The following DOK6 variants were observed in gnomAD, a reference collection of about 807,000 sequenced individuals.
The protein encoded by DOK6 is downstream of tyrosine kinase 6.
Under a neutral mutation model 44.0 loss-of-function variants are expected in DOK6, and 22 were observed. The observed-to-expected ratio is 0.50, with a 90% confidence interval of 0.36 to 0.71. DOK6 has a LOEUF of 0.71. DOK6 is among the 30% of genes least tolerant of loss of function. The pLI is 0.00. For missense variants in DOK6, 340 were observed against 416.4 expected, an observed-to-expected ratio of 0.82 and a Z score of 1.60; for synonymous variants, 166 against 145.5, an observed-to-expected ratio of 1.14 and a Z score of -1.01.
At chr18:69,720,657 C>T (rs753083773) in intron 5 of DOK6, among the ~76,000 whole-genome samples, 3 of 151,992 alleles carry the variant, frequency 2.0e-5, no homozygotes, top group Non-Finnish European at 2.9e-5. Flanking sequence ...CACAAAAGTT[C>T]GGTTATTTTA....
intron 2 of DOK6, among the ~76,000 whole-genome samples, chr18:69,591,903 T>C (rs1983630822): frequency 6.6e-6 from 1 of 152,120 alleles, no homozygotes; most frequent in African/African-American, 2.4e-5. Context: ...CTTATTTTCT[T>C]CATATGTTCT....
At chr18:69,501,962 G>A (rs1282984444) in intron 1 of DOK6, among the ~76,000 whole-genome samples, 1 of 152,094 alleles carries the variant, frequency 6.6e-6, no homozygotes, top group African/African-American at 2.4e-5. Context: ...CCAGAACAAT[G>A]ATCTGTAACA....
intron 7 of DOK6, among the ~76,000 whole-genome samples, chr18:69,766,973 T>C (rs1979736096): frequency 6.6e-6 from 1 of 152,186 alleles, no homozygotes; most frequent in African/African-American, 2.4e-5. Flanking sequence ...ACTCCTGTAA[T>C]TCCCACACTT....
intron 5 of DOK6, among the ~76,000 whole-genome samples, chr18:69,725,707 C>T (rs1304318366): frequency 2.6e-5 from 4 of 152,156 alleles, no homozygotes; most frequent in Non-Finnish European, 2.9e-5. Context: ...AAGCTGGTCT[C>T]GAACTCCTGA....
At chr18:69,520,929 T>C (rs925201731) in intron 1 of DOK6, among the ~76,000 whole-genome samples, 10 of 151,996 alleles carry the variant, frequency 6.6e-5, no homozygotes, top group Non-Finnish European at 1.5e-4. Context: ...AGAGGCCTCT[T>C]AATTCAACTG....
chr18:69,462,493 T>C (rs1979815004), intron 1 of DOK6, among the ~76,000 whole-genome samples: 1 of 152,196 alleles, frequency 6.6e-6, no homozygotes. Context: ...TTTGATTACA[T>C]TATTGCTTCT....
intron 5 of DOK6, among the ~76,000 whole-genome samples, chr18:69,704,183 C>A (rs1986581863): frequency 6.6e-6 from 1 of 152,208 alleles, no homozygotes; most frequent in Non-Finnish European, 1.5e-5. Context: ...AGTGGTAATG[C>A]ATGTTATTTC....
chr18:69,811,602 A>C (rs1981240523), intron 7 of DOK6, among the ~76,000 whole-genome samples: 2 of 141,410 alleles, frequency 1.4e-5, no homozygotes, highest in Admixed American at 7.1e-5. Context: ...GTACACAATC[A>C]ATATATACAA....
At chr18:69,610,344 A>G (rs73970196) in intron 3 of DOK6, among the ~76,000 whole-genome samples, 4,082 of 152,200 alleles carry the variant, frequency 0.027, 172 homozygotes, top group African/African-American at 0.093. Flanking sequence ...GATTCTATGA[A>G]CCTCCTTGGG....
At chr18:69,517,425 T>C (rs1258030050) in intron 1 of DOK6, among the ~76,000 whole-genome samples, 1 of 152,202 alleles carries the variant, frequency 6.6e-6, no homozygotes, top group Non-Finnish European at 1.5e-5. Flanking sequence ...AGGAAAATTA[T>C]TGACATTGGT....
At chr18:69,412,280 T>C (rs1945850406) in intron 1 of DOK6, among the ~76,000 whole-genome samples, 1 of 152,150 alleles carries the variant, frequency 6.6e-6, no homozygotes, top group Non-Finnish European at 1.5e-5. Context: ...GGCTATGGCT[T>C]TTCCTTCATT....
At chr18:69,787,126 G>A (rs1039278436) in intron 7 of DOK6, among the ~76,000 whole-genome samples, 2 of 152,296 alleles carry the variant, frequency 1.3e-5, no homozygotes, top group East Asian at 3.9e-4. Flanking sequence ...TGAGGCAGGA[G>A]AATCGCTTGA....
At chr18:69,825,049 T>C (rs1447973235) in intron 7 of DOK6, among the ~76,000 whole-genome samples, 2 of 152,194 alleles carry the variant, frequency 1.3e-5, no homozygotes, top group Non-Finnish European at 2.9e-5. Flanking sequence ...TTTTCATCTA[T>C]AATGTAGAGA....
intron 2 of DOK6, among the ~76,000 whole-genome samples, chr18:69,581,483 A>G (rs35198267): frequency 0.27 from 40,544 of 152,080 alleles, 5,779 homozygotes; most frequent in Middle Eastern, 0.4. Flanking sequence ...TACTATTACA[A>G]TTTTACTTTA....
At chr18:69,467,821 GTCT>G (rs1421262964) in intron 1 of DOK6, among the ~76,000 whole-genome samples, 1 of 152,058 alleles carries the variant, frequency 6.6e-6, no homozygotes, top group East Asian at 1.9e-4. Flanking sequence ...TTAGCTGTTA[GTCT>G]TGCTATTTAC....
intron 7 of DOK6, among the ~76,000 whole-genome samples, chr18:69,758,477 A>G (rs1036051920): frequency 1.4e-5 from 1 of 71,394 alleles, no homozygotes; most frequent in African/African-American, 3.1e-5. Context: ...AATAGCTAGC[A>G]GATTTTTTTT....
chr18:69,665,095 C>T (rs144955990), intron 3 of DOK6, among the ~76,000 whole-genome samples: 9 of 152,076 alleles, frequency 5.9e-5, no homozygotes, highest in African/African-American at 1.9e-4. Flanking sequence ...ACAGAAGAAT[C>T]GCTTGAACAC....
At chr18:69,802,183 G>GGC (rs1278728260) in intron 7 of DOK6, among the ~76,000 whole-genome samples, 2 of 152,218 alleles carry the variant, frequency 1.3e-5, no homozygotes, top group Admixed American at 6.5e-5. Context: ...TAGATCACAA[G>GGC]GCCCCTGAGA....
chr18:69,635,887 G>A (rs1287293057), intron 3 of DOK6, among the ~76,000 whole-genome samples: 2 of 152,176 alleles, frequency 1.3e-5, no homozygotes, highest in East Asian at 3.8e-4. Context: ...TGCATTTATT[G>A]CTTTACTTAG....
Sources: gnomAD v4.1 joint callset for allele counts (sites outside exome capture counted in the v4.1 genomes callset) on GRCh38, gnomAD v4.1.1 for gene constraint, MANE v1.5 for transcripts, NCBI Gene and HGNC (gene_info 2026-07-23, HGNC 2026-07-21) for gene names.